PPP2R2B: variants seen among roughly 807,000 people sequenced by gnomAD.
PPP2R2B encodes the protein protein phosphatase 2 regulatory subunit Bbeta.
Under a neutral mutation model 46.0 loss-of-function variants are expected in PPP2R2B, and 5 were observed. That is an observed-to-expected ratio of 0.11 (90% CI 0.06 to 0.23). PPP2R2B has a LOEUF of 0.23. Among genes scored for constraint, PPP2R2B ranks in the 10% least tolerant of loss-of-function variants. The pLI, the probability that PPP2R2B is intolerant of heterozygous loss-of-function variation, is 1.00. For synonymous variants in PPP2R2B, 215 were observed against 206.7 expected (o/e 1.04, Z -0.34); for missense variants, 367 against 575.0 (o/e 0.64, Z 3.70).
chr5:146,792,159 T>C (rs549259742), intron 2 of PPP2R2B, among the ~76,000 whole-genome samples: 2 of 152,320 alleles, frequency 1.3e-5, no homozygotes, highest in East Asian at 1.9e-4. Flanking sequence ...ATAGCTAGGC[T>C]CTAGATCAAG....
At chr5:147,020,867 T>A (rs1755228203) in intron 1 of PPP2R2B, among the ~76,000 whole-genome samples, 1 of 152,192 alleles carries the variant, frequency 6.6e-6, no homozygotes, top group South Asian at 2.1e-4. Context: ...ATTCCATGAA[T>A]ACCAAGGGCT....
chr5:147,081,325 G>A (rs1182201193), exon 1 of PPP2R2B: 14 of 1,529,936 alleles, frequency 9.2e-6, no homozygotes, highest in African/African-American at 2.7e-5. Flanking sequence ...CAAGTACCAC[G>A]TCCTGCTGTG....
chr5:146,877,137 G>GA (rs5871994), intron 2 of PPP2R2B, among the ~76,000 whole-genome samples: 11 of 151,938 alleles, frequency 7.2e-5, no homozygotes, highest in African/African-American at 2.7e-4. Context: ...GGCACTGGGG[G>GA]AAAAAAATGC....
chr5:146,820,070 G>A (rs1758163960), intron 2 of PPP2R2B, among the ~76,000 whole-genome samples: 1 of 152,158 alleles, frequency 6.6e-6, no homozygotes, highest in Non-Finnish European at 1.5e-5. Flanking sequence ...ATAGGGGATT[G>A]GGAGAGGTTG....
At chr5:146,677,262 T>C (rs1229430240) in intron 5 of PPP2R2B, among the ~76,000 whole-genome samples, 1 of 152,200 alleles carries the variant, frequency 6.6e-6, no homozygotes, top group Non-Finnish European at 1.5e-5. Flanking sequence ...AGTGTCCTTA[T>C]TTAATTGAAT....
intron 2 of PPP2R2B, among the ~76,000 whole-genome samples, chr5:146,830,901 T>C (rs1405159638): frequency 6.6e-6 from 1 of 152,190 alleles, no homozygotes; most frequent in Non-Finnish European, 1.5e-5. Context: ...GATGAACCAA[T>C]GTGTGATGGT....
intron 2 of PPP2R2B, among the ~76,000 whole-genome samples, chr5:146,795,961 C>T (rs2151299493): frequency 6.6e-6 from 1 of 152,266 alleles, no homozygotes; most frequent in African/African-American, 2.4e-5. Flanking sequence ...CTATGCTCAA[C>T]TGGGTATAAA....
At position 146,581,222 on chromosome 5, in the gene PPP2R2B, C is replaced by T. The variant is rs1167564806; in HGVS notation, c.*8725G>A. The T allele has an allele frequency of 3.3e-5, 5 of 152,146 alleles. No individual in the cohort carries two copies. Among genetic ancestry groups the T allele is most frequent in the Admixed American group, 6.5e-5 (1 of 15,274 alleles). 9.4% of individuals were successfully genotyped at this position (152,146 alleles called of 1,614,324 possible). A position where few individuals can be genotyped will look rare whatever the true frequency, so the allele number is the denominator to read the frequency against. On this transcript the variant is annotated 3_prime_UTR_variant, in exon 10 of 10. Coordinates refer to ENST00000394411, the MANE Select transcript of PPP2R2B (RefSeq NM_181675.4). Reference sequence around the variant, plus strand: ...CATGGTGCTGACATCTGCTCAGCTTCTGGAGAGGCCTCTGGATACTTACAA... The same window carrying T: ...CATGGTGCTGACATCTGCTCAGCTTTTGGAGAGGCCTCTGGATACTTACAA...
chr5:146,848,057 A>G (rs990555853), intron 2 of PPP2R2B, among the ~76,000 whole-genome samples: 5 of 152,218 alleles, frequency 3.3e-5, no homozygotes, highest in African/African-American at 4.8e-5. Context: ...ATAGCTGTCC[A>G]TACTCCGTCA....
At chr5:146,950,168 C>T (rs541145774) in intron 1 of PPP2R2B, among the ~76,000 whole-genome samples, 23 of 152,062 alleles carry the variant, frequency 1.5e-4, no homozygotes, top group African/African-American at 5.1e-4. Context: ...GAGATGGGCA[C>T]CCCATTTATC....
At chr5:146,723,721 C>T (rs17105275) in intron 2 of PPP2R2B, among the ~76,000 whole-genome samples, 29,466 of 151,964 alleles carry the variant, frequency 0.19, 3,310 homozygotes, top group East Asian at 0.38. Flanking sequence ...CTAAAACACA[C>T]GCCCTGATCT....
intron 2 of PPP2R2B, among the ~76,000 whole-genome samples, chr5:146,784,500 C>T (rs1240441826): frequency 1.3e-5 from 2 of 152,126 alleles, no homozygotes; most frequent in Admixed American, 6.5e-5. Context: ...TCTTATTTAT[C>T]CTATTCACAC....
At chr5:146,656,896 T>C (rs1214696323) in intron 5 of PPP2R2B, among the ~76,000 whole-genome samples, 1 of 152,172 alleles carries the variant, frequency 6.6e-6, no homozygotes, top group Non-Finnish European at 1.5e-5. Flanking sequence ...GCTCACCCGC[T>C]TTGAGTCTTC....
intron 2 of PPP2R2B, among the ~76,000 whole-genome samples, chr5:146,708,480 A>G (rs1240159431): frequency 6.6e-6 from 1 of 151,950 alleles, no homozygotes. Context: ...AAAGGTTTTG[A>G]CAAATGCATA....
chr5:146,997,734 A>ATT (rs897787881), intron 1 of PPP2R2B, among the ~76,000 whole-genome samples: 55 of 152,340 alleles, frequency 3.6e-4, no homozygotes, highest in African/African-American at 1.3e-3. Flanking sequence ...AATGGATAGA[A>ATT]TTTAATTTTT....
rs189711620 is a variant in PPP2R2B, at chr5:146,888,391, A to C, written c.79+167274T>G. The stretch of plus-strand genomic sequence containing the variant: ...CAATCCTGCCTGCTCTAACTTTGAA[A>C]TATGTCCAGAATCAACCACTACTCA... On this transcript the variant is annotated intron_variant, in intron 1 of 8. Transcript: ENST00000336640. 1.6e-3 allele frequency among the ~76,000 whole-genome samples: 243 copies of C among 152,190 alleles called. 1 individual carries two copies. Among genetic ancestry groups the C allele is most frequent in the African/African-American group, 5.2e-3 (216 of 41,530 alleles).
chr5:146,727,037 T>C lies in PPP2R2B; in HGVS notation c.71-25895A>G, dbSNP rs190103888. Among the ~76,000 whole-genome samples the C allele has an allele frequency of 1.3e-3, 194 of 152,282 alleles. 1 individual carries two copies. Among genetic ancestry groups the C allele is most frequent in the African/African-American group, 4.6e-3 (192 of 41,562 alleles). On this transcript the variant is annotated intron_variant, in intron 2 of 9. Coordinates refer to ENST00000394411, the MANE Select transcript of PPP2R2B (RefSeq NM_181675.4). Reference sequence around the variant, plus strand: ...TTCATCCTATAGAAGAGAGACACTCTAGTGTTTTGACACACTCTACAAAGG... The same window carrying C: ...TTCATCCTATAGAAGAGAGACACTCCAGTGTTTTGACACACTCTACAAAGG...
At chr5:146,829,629 C>T (rs1365663883) in intron 2 of PPP2R2B, among the ~76,000 whole-genome samples, 1 of 152,082 alleles carries the variant, frequency 6.6e-6, no homozygotes, top group Non-Finnish European at 1.5e-5. Context: ...CATAGAGACA[C>T]CATATAAAGA....
intron 5 of PPP2R2B, among the ~76,000 whole-genome samples, chr5:146,682,264 C>T (rs370643): frequency 0.26 from 39,016 of 152,026 alleles, 7,140 homozygotes; most frequent in African/African-American, 0.51. Flanking sequence ...TAATGAATTG[C>T]TAGTCTCTAG....
Sources: gnomAD v4.1 joint callset for allele counts (sites outside exome capture counted in the v4.1 genomes callset) on GRCh38, gnomAD v4.1.1 for gene constraint, MANE v1.5 for transcripts, NCBI Gene and HGNC (gene_info 2026-07-23, HGNC 2026-07-21) for gene names.